Variants in USP47 observed in about 807,000 individuals in gnomAD.
The protein encoded by USP47 is ubiquitin carboxyl-terminal hydrolase 47.
USP47 carries 35 observed loss-of-function variants against 165.1 expected under a neutral mutation model. The ratio of observed to expected loss-of-function variants is 0.21; its 90% CI spans 0.16 to 0.28. The LOEUF (loss-of-function observed/expected upper bound fraction) is 0.28. Ranked by LOEUF, USP47 falls within the 10% of genes least tolerant of loss-of-function variation. The pLI, the probability that USP47 is intolerant of heterozygous loss-of-function variation, is 1.00. For synonymous variants in USP47, 531 were observed against 544.5 expected (o/e 0.98, Z 0.35); for missense variants, 1,277 against 1,607.4 (o/e 0.79, Z 3.52).
intron 1 of USP47, among the ~76,000 whole-genome samples, chr11:11,858,625 T>A (rs761023018): frequency 6.6e-6 from 1 of 152,198 alleles, no homozygotes; most frequent in Non-Finnish European, 1.5e-5. Flanking sequence ...TCTGTCCTCA[T>A]GTTTTTCCTT....
intron 18 of USP47, among the ~76,000 whole-genome samples, chr11:11,939,508 A>G (rs1259646067): frequency 6.6e-6 from 1 of 152,092 alleles, no homozygotes; most frequent in African/African-American, 2.4e-5. Context: ...TATGACTTCT[A>G]ACAATTTTGC....
In USP47 at chr11:11,957,732, C is replaced by A. The variant is rs146194255; in HGVS notation, c.*1557C>A. ...CAGTATTTCAGATCCGATTTTTACC[C>A]TTTTTTTCTTATAAGAAAGATAAAA... is the stretch of plus-strand genomic sequence containing the variant. On this transcript the variant is annotated 3_prime_UTR_variant, in exon 28 of 28. Coordinates refer to ENST00000527733, the MANE Select transcript of USP47 (RefSeq NM_001282659.2). The A allele has an allele frequency of 6.6e-6, 1 of 152,212 alleles. No homozygotes were observed. Among genetic ancestry groups the A allele is most frequent in the East Asian group, 1.9e-4 (1 of 5,176 alleles). 9.4% of individuals were successfully genotyped at this position (152,212 alleles called of 1,614,324 possible).
At chr11:11,916,444 C>G (rs1378930330) in intron 8 of USP47, among the ~76,000 whole-genome samples, 1 of 151,890 alleles carries the variant, frequency 6.6e-6, no homozygotes, top group Non-Finnish European at 1.5e-5. Flanking sequence ...TATCCAAAAA[C>G]TTAAGCAAAG....
At chr11:11,903,008 A>G in intron 6 of USP47, 148 bp downstream of exon 6, 1 of 912,244 alleles carries the variant, frequency 1.1e-6, no homozygotes, top group Non-Finnish European at 1.6e-6. Flanking sequence ...ACATTTCATA[A>G]CTCTACAATG....
At chr11:11,853,197 G>A (rs1848824643) in intron 1 of USP47, among the ~76,000 whole-genome samples, 1 of 152,028 alleles carries the variant, frequency 6.6e-6, no homozygotes, top group Admixed American at 6.6e-5. Flanking sequence ...ATCAAAAACA[G>A]GGGTTGTAAA....
At position 11,930,105 on chromosome 11, in the gene USP47, C is replaced by T; in HGVS notation, c.1580C>T (p.Ser527Phe). The change falls in exon 13 of 28, where the codon TCT becomes TTT. Residue 527 changes from serine (S) to phenylalanine (F), a missense_variant. Coordinates refer to ENST00000527733, the MANE Select transcript of USP47 (RefSeq NM_001282659.2). ...TCTTCAGGAAGCAGAGGATATTATT[C>T]TAGTGCTTTCGCAAGGTAAGCAATT... The part of the protein sequence containing the change: ...GGSSGSRGYY[S>F]SAFASSTNAY... 1.9e-6 allele frequency: 3 copies of T among 1,612,800 alleles called. No individual in the cohort carries two copies. Among genetic ancestry groups the T allele is most frequent in the Non-Finnish European group, 2.5e-6 (3 of 1,178,964 alleles).
At chr11:11,865,030 T>C (rs766383615) in intron 1 of USP47, among the ~76,000 whole-genome samples, 1 of 152,180 alleles carries the variant, frequency 6.6e-6, no homozygotes, top group Non-Finnish European at 1.5e-5. Context: ...TTGAATTGTT[T>C]TACCCTTATA....
chr11:11,960,883 C>T lies in USP47; in HGVS notation c.*4708C>T, dbSNP rs1847422962. Among the ~76,000 whole-genome samples the T allele has an allele frequency of 6.6e-6, 1 of 152,184 alleles. No individual in the cohort carries two copies. Among genetic ancestry groups the T allele is most frequent in the Non-Finnish European group, 1.5e-5 (1 of 68,032 alleles). Reference sequence around the variant, plus strand: ...CTTTTTTCTCTTCCTGTCTTTGTCCCTCACACTACAGCAGGCCCCTCCCTT... The same window carrying T: ...CTTTTTTCTCTTCCTGTCTTTGTCCTTCACACTACAGCAGGCCCCTCCCTT... On this transcript the variant is annotated 3_prime_UTR_variant, in exon 28 of 28. Transcript: ENST00000527733.
In USP47 at chr11:11,943,127, A is replaced by G. The variant is rs751897888; in HGVS notation, c.3091+15A>G. The G allele has an allele frequency of 6.3e-7, 1 of 1,577,010 alleles. No individual in the cohort carries two copies. The highest frequency in any genetic ancestry group is 1.2e-5 in the South Asian group (1 of 85,790). On this transcript the variant is annotated intron_variant, in intron 20 of 27. Coordinates refer to ENST00000527733, the MANE Select transcript of USP47 (RefSeq NM_001282659.2). ...AGGACATAAATGTATGTACTTCAAAAGAAAAACGGTCCTTGAAACAGCATC... is the reference window on the plus strand; with the variant it reads ...AGGACATAAATGTATGTACTTCAAAGGAAAAACGGTCCTTGAAACAGCATC...
At chr11:11,934,777 C>T (rs763356769) in intron 16 of USP47, among the ~76,000 whole-genome samples, 1 of 152,102 alleles carries the variant, frequency 6.6e-6, no homozygotes, top group East Asian at 1.9e-4. Context: ...ACTGCTGTTT[C>T]ACCAGATCAT....
intron 1 of USP47, among the ~76,000 whole-genome samples, chr11:11,871,501 CAAAAAAAAAA>C (rs71037046): frequency 5.5e-4 from 35 of 63,154 alleles, no homozygotes; most frequent in Admixed American, 1.1e-3. Context: ...AACTCCCTCT[CAAAAAAAAAA>C]AAAAAAAAAA....
intron 5 of USP47, among the ~76,000 whole-genome samples, chr11:11,901,848 A>C (rs1422217770): frequency 1.3e-5 from 2 of 151,478 alleles, no homozygotes; most frequent in African/African-American, 4.9e-5. Flanking sequence ...AATCCCAGCT[A>C]CTCGGGAGGC....
At chr11:11,918,724 A>C (rs1418885559) in intron 8 of USP47, among the ~76,000 whole-genome samples, 2 of 152,020 alleles carry the variant, frequency 1.3e-5, no homozygotes, top group African/African-American at 2.4e-5. Context: ...GGTATTAACT[A>C]TAAGCCGGAG....
At chr11:11,860,173 G>C (rs953919986) in intron 1 of USP47, among the ~76,000 whole-genome samples, 8 of 150,922 alleles carry the variant, frequency 5.3e-5, no homozygotes, top group Admixed American at 4.6e-4. Context: ...TTTTGAGATG[G>C]AGTTTCGCTC....
intron 1 of USP47, among the ~76,000 whole-genome samples, chr11:11,860,990 G>A (rs961299001): frequency 6.6e-6 from 1 of 152,206 alleles, no homozygotes; most frequent in Non-Finnish European, 1.5e-5. Context: ...GTGTTCAAAT[G>A]TGACGTTGGG....
chr11:11,931,888 A>G (rs1194440666), intron 14 of USP47, among the ~76,000 whole-genome samples: 1 of 152,176 alleles, frequency 6.6e-6, no homozygotes, highest in Admixed American at 6.6e-5. Flanking sequence ...AAATGATTAT[A>G]TGTGAGTCTA....
Position 11,929,555 on chromosome 11 carries a change from A to T in USP47, c.1508A>T (p.His503Leu), listed in dbSNP as rs748974808. The T allele has an allele frequency of 2.5e-6, 4 of 1,612,996 alleles. No homozygotes were observed. Among genetic ancestry groups the T allele is most frequent in the Non-Finnish European group, 3.4e-6 (4 of 1,179,214 alleles). Residue 503 changes from histidine (H) to leucine (L), a missense_variant, in exon 12 of 28, where the codon CAT becomes CTT. Around this residue, in one of 4 missense-constraint regions of USP47, gnomAD observed 909 missense variants for 1,068.1 expected, o/e 0.85. Transcript: ENST00000527733. Reference sequence around the variant, plus strand: ...CAGTGGTACAGCTTCAATGATCAACATGTCAGCAGGGTAAGGAGGTGTCCT... The same window carrying T: ...CAGTGGTACAGCTTCAATGATCAACTTGTCAGCAGGGTAAGGAGGTGTCCT... ...DEQWYSFNDQ[H>L]VSRITQEDIK...
chr11:11,922,388 G>GC (rs1406828624), intron 10 of USP47, among the ~76,000 whole-genome samples: 1 of 151,858 alleles, frequency 6.6e-6, no homozygotes, highest in Non-Finnish European at 1.5e-5. Flanking sequence ...TTGGAGCTCA[G>GC]CTTCTCTGAT....
chr11:11,917,294 TA>T (rs1853493154), intron 8 of USP47, among the ~76,000 whole-genome samples: 1 of 152,156 alleles, frequency 6.6e-6, no homozygotes, highest in Non-Finnish European at 1.5e-5. Context: ...ATGACAGCTA[TA>T]AAAAGACAAG....
Sources: gnomAD v4.1 joint callset for allele counts (sites outside exome capture counted in the v4.1 genomes callset) on GRCh38, gnomAD v4.1.1 for gene constraint, gnomAD v4.1.1 regional missense constraint, MANE v1.5 for transcripts, NCBI Gene and HGNC (gene_info 2026-07-23, HGNC 2026-07-21) for gene names.